The following ARHGAP44 variants were observed in gnomAD, a reference collection of about 807,000 sequenced individuals.
The protein encoded by ARHGAP44 is rho GTPase-activating protein 44.
A neutral mutation model predicts 106.8 loss-of-function variants in ARHGAP44; 43 were observed. The ratio of observed to expected loss-of-function variants is 0.40; its 90% CI spans 0.32 to 0.52. The LOEUF (loss-of-function observed/expected upper bound fraction) is 0.52. Ranked by LOEUF, ARHGAP44 falls within the 20% of genes least tolerant of loss-of-function variation. ARHGAP44 has a pLI of 0.48. For missense variants in ARHGAP44, 866 were observed against 1,050.5 expected, an observed-to-expected ratio of 0.82 and a Z score of 2.43; for synonymous variants, 439 against 410.3, an observed-to-expected ratio of 1.07 and a Z score of -0.85.
chr17:12,807,664 C>T (rs550394708), intron 1 of ARHGAP44, among the ~76,000 whole-genome samples: 16 of 152,294 alleles, frequency 1.1e-4, no homozygotes, highest in African/African-American at 2.4e-4. Flanking sequence ...GGGTCCCTCT[C>T]GCAACATGTG....
intron 16 of ARHGAP44, 64 bp from the exon 17 acceptor site, chr17:12,973,238 C>A: frequency 1.3e-6 from 2 of 1,552,062 alleles, no homozygotes; most frequent in Admixed American, 1.9e-5. Flanking sequence ...GAAAGACAAC[C>A]TTTATGTCCA....
intron 1 of ARHGAP44, among the ~76,000 whole-genome samples, chr17:12,808,237 A>G (rs1323279917): frequency 6.6e-6 from 1 of 152,208 alleles, no homozygotes; most frequent in Non-Finnish European, 1.5e-5. Context: ...GCATGGTACA[A>G]GCGGTCAGTG....
intron 1 of ARHGAP44, among the ~76,000 whole-genome samples, chr17:12,801,642 T>C (rs1328249643): frequency 6.6e-6 from 1 of 152,044 alleles, no homozygotes; most frequent in African/African-American, 2.4e-5. Flanking sequence ...TTTATGACAT[T>C]CAAAAAATGT....
chr17:12,877,006 A>G (rs1056568401), intron 1 of ARHGAP44, among the ~76,000 whole-genome samples: 2 of 152,068 alleles, frequency 1.3e-5, no homozygotes, highest in Admixed American at 6.6e-5. Context: ...AAAGGGACCA[A>G]TAGTTGCTGA....
intron 7 of ARHGAP44, among the ~76,000 whole-genome samples, chr17:12,935,794 A>T (rs1238347313): frequency 6.6e-6 from 1 of 152,200 alleles, no homozygotes; most frequent in Non-Finnish European, 1.5e-5. Flanking sequence ...TTCTTCTAGA[A>T]TGTTAAGGTG....
intron 1 of ARHGAP44, among the ~76,000 whole-genome samples, chr17:12,820,771 A>G (rs1489142779): frequency 6.6e-6 from 1 of 152,178 alleles, no homozygotes; most frequent in Non-Finnish European, 1.5e-5. Context: ...AGATTGAATG[A>G]TAGAGATTTT....
At chr17:12,838,838 A>G (rs2035314189) in intron 1 of ARHGAP44, among the ~76,000 whole-genome samples, 1 of 151,668 alleles carries the variant, frequency 6.6e-6, no homozygotes. Context: ...TGCGTGGCTA[A>G]TTTTTGTGTG....
At position 12,958,788 on chromosome 17, in the gene ARHGAP44, A is replaced by G. The variant is rs757645304; in HGVS notation, c.1414A>G (p.Met472Val). 5.0e-6 allele frequency: 8 copies of G among 1,613,384 alleles called. No individual in the cohort carries two copies. The highest frequency in any genetic ancestry group is 3.3e-5 in the Admixed American group (2 of 59,950). ...GAACCATAATGCCAACTACAGCTCA[A>G]TGCCCTCCCCAGACATGGACCCTGC... ...HVNHNANYSS[M>V]PSPDMDPADR... The change falls in exon 16 of 21, where the codon ATG becomes GTG. Residue 472 changes from methionine to valine, a missense_variant. Physicochemically the swap from Met to Val is conservative, Grantham distance 21 (BLOSUM62 1). Around this residue, in one of 2 missense-constraint regions of ARHGAP44, gnomAD observed 448 missense variants for 646.9 expected, o/e 0.69. Transcript: ENST00000379672. The surrounding 1 kb of genome is among the most constrained non-coding windows in gnomAD (Gnocchi z 4.1).
intron 2 of ARHGAP44, among the ~76,000 whole-genome samples, 178 bp downstream of exon 2, chr17:12,895,157 AAAAC>A (rs1192691101): frequency 2.6e-5 from 4 of 151,326 alleles, no homozygotes; most frequent in South Asian, 2.1e-4. Context: ...AACAAATAAA[AAAAC>A]AAACAACCAA....
chr17:12,916,438 C>T (rs1304842918), intron 5 of ARHGAP44, among the ~76,000 whole-genome samples: 1 of 152,048 alleles, frequency 6.6e-6, no homozygotes, highest in Non-Finnish European at 1.5e-5. Context: ...GGCTGGAGTG[C>T]AGTGGTACGA....
chr17:12,843,011 A>G (rs1289076661), intron 1 of ARHGAP44, among the ~76,000 whole-genome samples: 1 of 152,012 alleles, frequency 6.6e-6, no homozygotes, highest in East Asian at 1.9e-4. Flanking sequence ...AGGCTGGGAG[A>G]GGGTAGTTTT....
At chr17:12,928,065 G>A (rs935978238) in intron 6 of ARHGAP44, among the ~76,000 whole-genome samples, 1 of 151,974 alleles carries the variant, frequency 6.6e-6, no homozygotes, top group African/African-American at 2.4e-5. Context: ...CCTACTTTTG[G>A]TAATTCCCTG....
chr17:12,903,935 A>T (rs773676571), intron 3 of ARHGAP44, among the ~76,000 whole-genome samples: 20 of 152,158 alleles, frequency 1.3e-4, no homozygotes, highest in Non-Finnish European at 2.8e-4. Flanking sequence ...TTGAGCAGAT[A>T]AAGTCCCTTC....
chr17:12,903,126 G>GAGGAGA (rs57334058), intron 3 of ARHGAP44, among the ~76,000 whole-genome samples: 4 of 70,758 alleles, frequency 5.7e-5, no homozygotes, highest in South Asian at 6.7e-4. Flanking sequence ...GAGAGAGAGA[G>GAGGAGA]GAGAGAGAGA....
At chr17:12,856,048 T>C (rs1011529433) in intron 1 of ARHGAP44, among the ~76,000 whole-genome samples, 2 of 152,220 alleles carry the variant, frequency 1.3e-5, no homozygotes, top group African/African-American at 4.8e-5. Context: ...TACACCCTAA[T>C]GATAGCCGGT....
intron 10 of ARHGAP44, among the ~76,000 whole-genome samples, chr17:12,945,620 C>T (rs2038830352): frequency 1.3e-5 from 2 of 152,038 alleles, no homozygotes; most frequent in South Asian, 4.2e-4. Context: ...AAAGTAAGGG[C>T]TATGGATGAG....
rs567056965 is a variant in ARHGAP44, at chr17:12,937,949, A to C, written c.583-3107A>C. 2.4e-4 allele frequency among the ~76,000 whole-genome samples: 37 copies of C among 152,180 alleles called. No individual in the cohort carries two copies. The South Asian group carries it at 7.7e-3, about 32-fold the overall frequency. On this transcript the variant is annotated intron_variant, in intron 7 of 20. Transcript: ENST00000379672. Reference sequence around the variant, plus strand: ...AACCTTGTCTCTTCTAAAAATACAGAAATTAGGTGGGTGTGGTGGCATGTC... The same window carrying C: ...AACCTTGTCTCTTCTAAAAATACAGCAATTAGGTGGGTGTGGTGGCATGTC...
At position 12,962,309 on chromosome 17, in the gene ARHGAP44, T is replaced by C. The variant is rs1318687042; in HGVS notation, c.1523+3412T>C. Among the ~76,000 whole-genome samples the C allele has an allele frequency of 2.0e-5, 3 of 152,164 alleles. No individual in the cohort carries two copies. In the East Asian group the frequency reaches 5.8e-4, roughly 29 times the overall value. ...CTGATGCCTTTCTGATTTGAAATGA[T>C]GCAGGAAGCTGGGTTTCTTTAGCAG... On this transcript the variant is annotated intron_variant, in intron 16 of 20. Coordinates refer to ENST00000379672, the MANE Select transcript of ARHGAP44 (RefSeq NM_014859.6).
In ARHGAP44 at chr17:12,973,377, A is replaced by G. The variant is rs1174924662; in HGVS notation, c.1541+58A>G. ...CTCAGTCTCTTCAACTGAGCCACCT[A>G]TGCATCGTAGTGAGTTCCACCAGAG... On this transcript the variant is annotated intron_variant, in intron 17 of 20. Transcript: ENST00000379672. 61 of 1,565,584 alleles carry G rather than the reference A, an allele frequency of 3.9e-5. No homozygotes were observed. In the South Asian group the frequency reaches 5.0e-4, roughly 13 times the overall value.
Sources: gnomAD v4.1 joint callset for allele counts (sites outside exome capture counted in the v4.1 genomes callset) on GRCh38, gnomAD v4.1.1 for gene constraint, gnomAD v4.1.1 regional missense constraint, Gnocchi (gnomAD v3.1) non-coding constraint, MANE v1.5 for transcripts, NCBI Gene and HGNC (gene_info 2026-07-23, HGNC 2026-07-21) for gene names.